NLRP5: variants seen among roughly 807,000 people sequenced by gnomAD.
NLRP5 encodes NLR family pyrin domain containing 5, also known as NACHT, LRR and PYD domains-containing protein 5.
Under a neutral mutation model 113.1 loss-of-function variants are expected in NLRP5, and 93 were observed. The ratio of observed to expected loss-of-function variants is 0.82; its 90% CI spans 0.70 to 0.98. The LOEUF is 0.98. Among genes scored for constraint, NLRP5 ranks in the 50% least tolerant of loss-of-function variants. The probability of loss-of-function intolerance (pLI) is 0.00; values close to 1 mark genes in which losing one functional copy is unlikely to be tolerated. For missense variants in NLRP5, 1,808 were observed against 1,514.3 expected (o/e 1.19, Z -3.22); for synonymous variants, 751 against 600.7 (o/e 1.25, Z -3.66).
At chr19:56,030,388 C>A (rs1001226076) in intron 7 of NLRP5, among the ~76,000 whole-genome samples, 2 of 152,012 alleles carry the variant, frequency 1.3e-5, no homozygotes, top group African/African-American at 2.4e-5. Flanking sequence ...AAAATTCTCA[C>A]ATGGAAGAGG....
At chr19:55,995,675 T>G (rs1051363376), upstream of NLRP5, among the ~76,000 whole-genome samples, 2 of 152,208 alleles carry the variant, frequency 1.3e-5, no homozygotes, top group African/African-American at 4.8e-5. Flanking sequence ...TAGATTGTTT[T>G]GGGTAGGATG....
chr19:56,038,043 G>T lies in NLRP5; in HGVS notation c.2634G>T (p.Leu878Phe). 1 of 1,613,944 alleles carries T rather than the reference G, an allele frequency of 6.2e-7. No homozygotes were observed. The highest frequency in any genetic ancestry group is 1.1e-5 in the South Asian group (1 of 91,056). The change falls in exon 10 of 15, where the codon TTG (leucine) becomes TTT (phenylalanine). Residue 878 changes from leucine to phenylalanine, a missense_variant. Physicochemically the swap from Leu to Phe is conservative, Grantham distance 22. Coordinates refer to ENST00000390649, the MANE Select transcript of NLRP5 (RefSeq NM_153447.4). The stretch of plus-strand genomic sequence containing the variant: ...TCTGCAGGCTGGATTGCTGTGGATT[G>T]ACCCATGCCTGTTACCTGAAGATCT...
intron 2 of NLRP5, among the ~76,000 whole-genome samples, chr19:56,007,561 A>G (rs987281149): frequency 4.0e-5 from 6 of 151,226 alleles, no homozygotes; most frequent in Admixed American, 3.9e-4. Flanking sequence ...TGGCTGGGCC[A>G]CGGAGAATGA....
intron 9 of NLRP5, 127 bp downstream of exon 9, chr19:56,033,836 C>A: frequency 2.7e-6 from 2 of 752,916 alleles, no homozygotes; most frequent in Non-Finnish European, 4.5e-6. Context: ...ATGGTGGTGA[C>A]GATTGCAGGA....
rs763439673 is a variant in NLRP5, at chr19:56,042,343, GTTCTT to G, written c.2957+1257_2957+1261del. 2.2e-3 allele frequency among the ~76,000 whole-genome samples: 329 copies of G among 152,096 alleles called. 6 individuals are homozygous for G. The highest frequency in any genetic ancestry group is 0.021 in the Admixed American group (321 of 15,248). On this transcript the variant is annotated intron_variant, in intron 11 of 14. Transcript: ENST00000390649. ...GGGGTACAGGTGGTTACATGAGTAA[GTTCTT>G]TTCTTGTTGTGTTTTGAGACAGTTT...
At position 56,043,597 on chromosome 19, in the gene NLRP5, G is replaced by A. The variant is rs535684367; in HGVS notation, c.2957+2505G>A. ...TTTTTTTTTTTTGAGATGGAGTCTC[G>A]CTCTGTCGCCCAGGCTGCAGTGCAG... On this transcript the variant is annotated intron_variant, in intron 11 of 14. Transcript: ENST00000390649. Among the ~76,000 whole-genome samples the A allele has an allele frequency of 5.9e-5, 6 of 102,484 alleles. No homozygotes were observed. The South Asian group carries it at 1.1e-3, about 19-fold the overall frequency. The allele number at this position is 102,484 out of a possible 152,430, so 67.2% of individuals were successfully genotyped here. A position where few individuals can be genotyped will look rare whatever the true frequency, so the allele number is the denominator to read the frequency against.
intron 2 of NLRP5, among the ~76,000 whole-genome samples, chr19:56,006,809 G>A (rs55708322): frequency 6.6e-6 from 1 of 151,586 alleles, no homozygotes; most frequent in Non-Finnish European, 1.5e-5. Flanking sequence ...GCGCAATCTC[G>A]GCTCACCGCA....
chr19:56,011,691 C>CCTATGTCT (rs1982198581), intron 3 of NLRP5, among the ~76,000 whole-genome samples: 4 of 143,878 alleles, frequency 2.8e-5, no homozygotes, highest in African/African-American at 1.0e-4. Context: ...TTTCCTATGT[C>CCTATGTCT]TTTTTTTTTT....
At chr19:56,024,402 GTACATA>G (rs1982739346) in intron 6 of NLRP5, among the ~76,000 whole-genome samples, 1 of 126,116 alleles carries the variant, frequency 7.9e-6, no homozygotes, top group Admixed American at 8.1e-5. Context: ...ATACATATAT[GTACATA>G]TATGTATATA....
chr19:56,050,138 G>T (rs1254446849), intron 11 of NLRP5, among the ~76,000 whole-genome samples: 1 of 152,084 alleles, frequency 6.6e-6, no homozygotes, highest in Non-Finnish European at 1.5e-5. Context: ...AAATTAGCCA[G>T]GCGTGGTGGT....
At chr19:55,987,911 T>A in the NLRP5 span, 1 of 1,609,006 alleles carries the variant, frequency 6.2e-7, no homozygotes, top group Non-Finnish European at 8.5e-7. Flanking sequence ...GATTAATCCT[T>A]AGGCCGTCCA....
chr19:56,050,965 CTA>C (rs1983912204), intron 12 of NLRP5, among the ~76,000 whole-genome samples: 1 of 152,128 alleles, frequency 6.6e-6, no homozygotes, highest in Non-Finnish European at 1.5e-5. Context: ...TGAAATGTTT[CTA>C]TTGAATAGGA....
intron 11 of NLRP5, among the ~76,000 whole-genome samples, chr19:56,046,549 T>TC (rs1401357108): frequency 6.6e-6 from 1 of 152,044 alleles, no homozygotes; most frequent in East Asian, 1.9e-4. Context: ...ACTTCTTGTT[T>TC]TTTTTTTCTG....
chr19:56,032,344 CA>C (rs34855619), intron 7 of NLRP5, among the ~76,000 whole-genome samples: 8,177 of 123,518 alleles, frequency 0.066, 255 homozygotes, highest in Non-Finnish European at 0.09. Context: ...GACTCCATCT[CA>C]AAAAAAAAAA....
At chr19:56,041,489 T>C (rs1403803339) in intron 11 of NLRP5, among the ~76,000 whole-genome samples, 1 of 152,132 alleles carries the variant, frequency 6.6e-6, no homozygotes, top group East Asian at 1.9e-4. Context: ...TCAATGACTT[T>C]TACTTGATAC....
intron 3 of NLRP5, among the ~76,000 whole-genome samples, chr19:56,013,222 G>T (rs116900556): frequency 2.0e-5 from 3 of 152,056 alleles, no homozygotes. Flanking sequence ...AGATGGAGTC[G>T]TGCTCTGTTG....
In NLRP5 at chr19:56,061,560, C is replaced by G. The variant is rs912790244; in HGVS notation, c.*32C>G. The G allele has an allele frequency of 3.7e-6, 6 of 1,612,404 alleles. No homozygotes were observed. The African/African-American group carries it at 8.0e-5, about 22-fold the overall frequency. On this transcript the variant is annotated 3_prime_UTR_variant, in exon 15 of 15. Transcript: ENST00000390649. ...GGAAACCTGCCCCACTCACACCCAT[C>G]TGATGGAGGAACTTTAAACGCTGTT... is the stretch of plus-strand genomic sequence containing the variant.
rs1984233189 is a variant in NLRP5 at position 56,058,318 on chromosome 19, T to C, written c.3378T>C (p.Ser1126=). ...TTTCCTGCAACCGGCATCTGACCAG[T>C]CTAAACCTGGTGCAGAATAACTTCA... Residue 1126 remains serine (S), a synonymous_variant, in exon 14 of 15, where the codon AGT becomes AGC. Coordinates refer to ENST00000390649, the MANE Select transcript of NLRP5 (RefSeq NM_153447.4). The C allele has an allele frequency of 6.2e-7, 1 of 1,613,664 alleles. No individual in the cohort carries two copies. The highest frequency in any genetic ancestry group is 1.7e-5 in the Admixed American group (1 of 59,980).
At chr19:56,009,737 C>G (rs1982109571) in intron 3 of NLRP5, among the ~76,000 whole-genome samples, 1 of 152,182 alleles carries the variant, frequency 6.6e-6, no homozygotes, top group Non-Finnish European at 1.5e-5. Context: ...CCGCTACCAT[C>G]TTGCTCAGCT....
Sources: allele counts gnomAD v4.1 joint callset (sites outside exome capture counted in the v4.1 genomes callset), GRCh38; gene constraint gnomAD v4.1.1; transcripts MANE v1.5; gene names NCBI Gene and HGNC (gene_info 2026-07-23, HGNC 2026-07-21).